STX18: variants seen among roughly 807,000 people sequenced by gnomAD.
STX18 encodes the protein syntaxin-18.
Under a neutral mutation model 50.1 loss-of-function variants are expected in STX18, and 40 were observed. That is an observed-to-expected ratio of 0.80 (90% CI 0.62 to 1.04). The LOEUF (loss-of-function observed/expected upper bound fraction) is 1.04, where lower values mean the gene tolerates loss of function less well. Ranked by LOEUF, STX18 falls within the 50% of genes least tolerant of loss-of-function variation. The pLI, the probability that STX18 is intolerant of heterozygous loss-of-function variation, is 0.00. For synonymous variants in STX18, 158 were observed against 151.8 expected, an observed-to-expected ratio of 1.04 and a Z score of -0.30; for missense variants, 410 against 415.8, an observed-to-expected ratio of 0.99 and a Z score of 0.12.
chr4:4,425,017 C>G, intron 8 of STX18, 147 bp downstream of exon 8: 1 of 697,190 alleles, frequency 1.4e-6, no homozygotes, highest in South Asian at 1.7e-5. Context: ...GCCACATGCC[C>G]ACCCCAGCCC....
chr4:4,520,524 T>C (rs1224065474), intron 1 of STX18, among the ~76,000 whole-genome samples: 1 of 152,244 alleles, frequency 6.6e-6, no homozygotes, highest in Non-Finnish European at 1.5e-5. Context: ...TAAAAAGCTA[T>C]ACTATTAGAT....
At chr4:4,505,460 G>A (rs1320981406) in intron 1 of STX18, among the ~76,000 whole-genome samples, 1 of 152,150 alleles carries the variant, frequency 6.6e-6, no homozygotes, top group Non-Finnish European at 1.5e-5. Context: ...CACATTGCTA[G>A]CCTGGGAAAA....
chr4:4,471,670 C>G lies in STX18; in HGVS notation c.205G>C (p.Glu69Gln), dbSNP rs755353326. Reference sequence around the variant, plus strand: ...GCATTAATATAATCTTTCCTGTGTTCCAGAAGAAAATCTCTCAGTTTGCCA... The same window carrying G: ...GCATTAATATAATCTTTCCTGTGTTGCAGAAGAAAATCTCTCAGTTTGCCA... ...HIGKLRDFLL[E>Q]HRKDYINAYS... is the part of the protein sequence containing the mutation. Residue 69 changes from glutamate to glutamine, a missense_variant, in exon 2 of 11, where the codon GAA (glutamate) becomes CAA (glutamine). Transcript: ENST00000306200. 5.7e-6 allele frequency: 9 copies of G among 1,583,958 alleles called. No homozygotes were observed. The highest frequency in any genetic ancestry group is 7.7e-6 in the Non-Finnish European group (9 of 1,171,966).
At chr4:4,437,989 T>A (rs1329012248) in intron 6 of STX18, among the ~76,000 whole-genome samples, 1 of 152,252 alleles carries the variant, frequency 6.6e-6, no homozygotes, top group Non-Finnish European at 1.5e-5. Context: ...TTGGTTTGAC[T>A]GGCTGTGCAA....
At position 4,440,103 on chromosome 4, in the gene STX18, C is replaced by T. The variant is rs140784117; in HGVS notation, c.498-1594G>A. On this transcript the variant is annotated intron_variant, in intron 5 of 10. Coordinates refer to ENST00000306200, the MANE Select transcript of STX18 (RefSeq NM_016930.4). ...AGAAAACGTTTAGGTTATGCAATAA[C>T]AGGCTTTGTAATAGCTTTACTAGAA... Among the ~76,000 whole-genome samples the T allele has an allele frequency of 3.7e-3, 556 of 152,264 alleles. 3 individuals are homozygous for T. The highest frequency in any genetic ancestry group is 0.013 in the African/African-American group (533 of 41,538).
intron 1 of STX18, among the ~76,000 whole-genome samples, chr4:4,530,998 T>C (rs562577446): frequency 1.3e-5 from 2 of 152,180 alleles, no homozygotes; most frequent in African/African-American, 4.8e-5. Context: ...CAGTTAAATC[T>C]TTAGTCCATC....
chr4:4,439,220 C>T (rs1295595361), intron 5 of STX18, among the ~76,000 whole-genome samples: 1 of 115,292 alleles, frequency 8.7e-6, no homozygotes, highest in African/African-American at 5.0e-5. Flanking sequence ...GCATGTATAT[C>T]CCCCACATAT....
chr4:4,468,144 C>G (rs952847602), intron 2 of STX18, among the ~76,000 whole-genome samples: 1 of 152,164 alleles, frequency 6.6e-6, no homozygotes, highest in Non-Finnish European at 1.5e-5. Context: ...CTCTTTTCTC[C>G]CTAGTCTCAA....
intron 1 of STX18, among the ~76,000 whole-genome samples, chr4:4,538,985 T>C (rs1731462704): frequency 6.6e-6 from 1 of 152,172 alleles, no homozygotes; most frequent in Admixed American, 6.5e-5. Flanking sequence ...ATATATAAAT[T>C]TAGTAAAATT....
In STX18 at chr4:4,457,501, C is replaced by T; in HGVS notation, c.353-1G>A. 1 of 1,613,152 alleles carries T rather than the reference C, an allele frequency of 6.2e-7. No individual in the cohort carries two copies. Among genetic ancestry groups the T allele is most frequent in the South Asian group, 1.1e-5 (1 of 90,800 alleles). ...TGCTGGGAATGTATCTCCTTGTGAG[C>T]TGTAACAGAAAAAGACAATGTTCAG... On this transcript the variant is annotated splice_acceptor_variant, in intron 3 of 10. Coordinates refer to ENST00000306200, the MANE Select transcript of STX18 (RefSeq NM_016930.4). LOFTEE classifies it high-confidence loss of function.
At chr4:4,465,244 G>A (rs1727564369) in intron 2 of STX18, among the ~76,000 whole-genome samples, 1 of 151,958 alleles carries the variant, frequency 6.6e-6, no homozygotes, top group African/African-American at 2.4e-5. Context: ...CCCATTACTG[G>A]GTATCTACCC....
chr4:4,470,153 C>G (rs950997995), intron 2 of STX18, among the ~76,000 whole-genome samples: 3 of 152,144 alleles, frequency 2.0e-5, no homozygotes, highest in African/African-American at 7.2e-5. Flanking sequence ...CTGTGACGAA[C>G]CAGGAAGTTT....
intron 1 of STX18, among the ~76,000 whole-genome samples, chr4:4,477,547 C>T (rs1305780000): frequency 6.6e-6 from 1 of 152,138 alleles, no homozygotes; most frequent in Non-Finnish European, 1.5e-5. Context: ...CCAGCAATGC[C>T]CAGGAGCAGT....
intron 1 of STX18, among the ~76,000 whole-genome samples, chr4:4,521,907 A>C (rs1730525102): frequency 6.6e-6 from 1 of 152,214 alleles, no homozygotes; most frequent in Non-Finnish European, 1.5e-5. Context: ...TCATAGTTCG[A>C]GAACTTTTTA....
chr4:4,540,405 T>C (rs1731531608), intron 1 of STX18, among the ~76,000 whole-genome samples: 1 of 152,196 alleles, frequency 6.6e-6, no homozygotes, highest in Admixed American at 6.5e-5. Flanking sequence ...CACTCAAATG[T>C]TTATTGAACC....
At chr4:4,501,638 G>C (rs925261702) in intron 1 of STX18, among the ~76,000 whole-genome samples, 2 of 152,134 alleles carry the variant, frequency 1.3e-5, no homozygotes, top group African/African-American at 2.4e-5. Flanking sequence ...TGGGATCACA[G>C]GACACTAACA....
intron 1 of STX18, among the ~76,000 whole-genome samples, chr4:4,533,244 C>G (rs1319122450): frequency 1.3e-5 from 2 of 152,098 alleles, no homozygotes; most frequent in African/African-American, 4.8e-5. Flanking sequence ...ATGTAATACG[C>G]TTTAAACATA....
In STX18 at chr4:4,535,432, T is replaced by C. The variant is rs544152616; in HGVS notation, c.168+6365A>G. Among the ~76,000 whole-genome samples the C allele has an allele frequency of 2.7e-4, 41 of 152,296 alleles. No homozygotes were observed. In the South Asian group the frequency reaches 7.1e-3, roughly 26 times the overall value. ...TCTCCTTATAGTACACACTCAGTTA[T>C]TGCAATCCATAAAAACACAGCATCA... On this transcript the variant is annotated intron_variant, in intron 1 of 10. Coordinates refer to ENST00000306200, the MANE Select transcript of STX18 (RefSeq NM_016930.4).
At chr4:4,459,741 G>A (rs1352001818) in intron 2 of STX18, among the ~76,000 whole-genome samples, 1 of 152,206 alleles carries the variant, frequency 6.6e-6, no homozygotes, top group African/African-American at 2.4e-5. Flanking sequence ...AGAGGGAGAG[G>A]GAGAAGGAGC....
Sources: gnomAD v4.1 joint callset for allele counts (sites outside exome capture counted in the v4.1 genomes callset) on GRCh38, gnomAD v4.1.1 for gene constraint, MANE v1.5 for transcripts, NCBI Gene and HGNC (gene_info 2026-07-23, HGNC 2026-07-21) for gene names.